Variants in TMEM132D observed in about 807,000 individuals in gnomAD.
TMEM132D encodes the protein transmembrane protein 132D.
Under a neutral mutation model 62.3 loss-of-function variants are expected in TMEM132D, and 21 were observed. That is an observed-to-expected ratio of 0.34 (90% CI 0.24 to 0.49). TMEM132D has a LOEUF of 0.49. Ranked by LOEUF, TMEM132D falls within the 20% of genes least tolerant of loss-of-function variation. The pLI is 0.99. For missense variants in TMEM132D, 1,346 were observed against 1,402.8 expected (o/e 0.96, Z 0.65); for synonymous variants, 621 against 575.6 (o/e 1.08, Z -1.13).
At chr12:129,159,664 G>C (rs11060164) in intron 5 of TMEM132D, among the ~76,000 whole-genome samples, 40,069 of 150,864 alleles carry the variant, frequency 0.27, 6,326 homozygotes, top group Non-Finnish European at 0.35. Flanking sequence ...GGGTGGCTAA[G>C]GCATGAGAAT....
intron 4 of TMEM132D, among the ~76,000 whole-genome samples, chr12:129,240,973 C>G (rs1879921266): frequency 6.6e-6 from 1 of 152,052 alleles, no homozygotes; most frequent in African/African-American, 2.4e-5. Context: ...CCTCTATATC[C>G]ATCACGTCCA....
chr12:129,342,554 C>A (rs1869530093), intron 3 of TMEM132D, among the ~76,000 whole-genome samples: 1 of 152,164 alleles, frequency 6.6e-6, no homozygotes, highest in South Asian at 2.1e-4. Context: ...GCAATGGCAA[C>A]AGAAGCCAAA....
intron 1 of TMEM132D, among the ~76,000 whole-genome samples, chr12:129,875,188 C>T (rs576876056): frequency 2.0e-5 from 3 of 152,340 alleles, no homozygotes; most frequent in African/African-American, 4.8e-5. Flanking sequence ...GCTGAAAGTG[C>T]GTGCTGGCTG....
intron 2 of TMEM132D, among the ~76,000 whole-genome samples, chr12:129,612,866 C>T (rs978061006): frequency 1.3e-5 from 2 of 152,124 alleles, no homozygotes; most frequent in African/African-American, 4.8e-5. Flanking sequence ...ACTCCGTCTC[C>T]AACAAACGGA....
chr12:129,600,500 T>A (rs1039485146), intron 2 of TMEM132D, among the ~76,000 whole-genome samples: 1 of 152,194 alleles, frequency 6.6e-6, no homozygotes, highest in Non-Finnish European at 1.5e-5. Flanking sequence ...GGTAAATCCT[T>A]TCCAAAAGGT....
At chr12:129,757,710 A>T (rs188763148) in intron 1 of TMEM132D, among the ~76,000 whole-genome samples, 13 of 152,170 alleles carry the variant, frequency 8.5e-5, no homozygotes, top group African/African-American at 2.9e-4. Context: ...CTTCCTTAAA[A>T]CTACTCGATA....
At chr12:129,626,641 G>A (rs1879224706) in intron 2 of TMEM132D, among the ~76,000 whole-genome samples, 1 of 152,086 alleles carries the variant, frequency 6.6e-6, no homozygotes, top group African/African-American at 2.4e-5. Context: ...ATTTTTAGTA[G>A]AGACGGGGTT....
intron 2 of TMEM132D, among the ~76,000 whole-genome samples, chr12:129,652,835 A>T (rs978952305): frequency 3.3e-5 from 5 of 151,916 alleles, no homozygotes; most frequent in African/African-American, 1.2e-4. Flanking sequence ...CATAAGCATC[A>T]CTCTTTGCCA....
At chr12:129,372,289 A>C (rs1311546479) in intron 3 of TMEM132D, among the ~76,000 whole-genome samples, 2 of 152,234 alleles carry the variant, frequency 1.3e-5, no homozygotes, top group Non-Finnish European at 2.9e-5. Flanking sequence ...AGGGGTCCCC[A>C]GTCTGTGCAC....
intron 1 of TMEM132D, among the ~76,000 whole-genome samples, chr12:129,781,813 G>C (rs1433697153): frequency 6.6e-6 from 1 of 152,110 alleles, no homozygotes; most frequent in Admixed American, 6.5e-5. Context: ...TCTTTAGCTG[G>C]GCATCCATGG....
chr12:129,877,011 G>C (rs1874434444), intron 1 of TMEM132D, among the ~76,000 whole-genome samples: 3 of 152,130 alleles, frequency 2.0e-5, no homozygotes, highest in African/African-American at 7.2e-5. Flanking sequence ...AATAGATGCA[G>C]AGCGTGGGAA....
chr12:129,082,056 GCAGA>G (rs1874471300), intron 6 of TMEM132D, 24 bp from the exon 7 acceptor site: 2 of 1,579,554 alleles, frequency 1.3e-6, no homozygotes, highest in African/African-American at 2.7e-5. Context: ...AGTGCAGTTT[GCAGA>G]CAGTTACTTG....
chr12:129,424,822 T>C (rs1872446167), intron 3 of TMEM132D, among the ~76,000 whole-genome samples: 1 of 152,066 alleles, frequency 6.6e-6, no homozygotes, highest in Non-Finnish European at 1.5e-5. Flanking sequence ...GAACATTATT[T>C]ACTTATTTAA....
intron 3 of TMEM132D, among the ~76,000 whole-genome samples, chr12:129,340,179 A>G (rs997123249): frequency 1.2e-4 from 19 of 152,118 alleles, no homozygotes; most frequent in African/African-American, 4.3e-4. Context: ...TGATTGTTCT[A>G]TACATTTAGA....
Position 129,184,617 on chromosome 12 carries a change from G to T in TMEM132D, c.1443+24903C>A, listed in dbSNP as rs138180636. 2.0e-5 allele frequency among the ~76,000 whole-genome samples: 3 copies of T among 152,218 alleles called. No homozygotes were observed. In the East Asian group the frequency reaches 5.8e-4, roughly 29 times the overall value. On this transcript the variant is annotated intron_variant, in intron 5 of 8. Coordinates refer to ENST00000422113, the MANE Select transcript of TMEM132D (RefSeq NM_133448.3). ...AGTCTCTCCGTGGCTATTACAACAC[G>T]AAGTTCACTGCACTTCAGGCACAAT...
At chr12:129,253,251 AG>A (rs1307014305) in intron 4 of TMEM132D, among the ~76,000 whole-genome samples, 1 of 150,816 alleles carries the variant, frequency 6.6e-6, no homozygotes. Flanking sequence ...AAAAAAAAAA[AG>A]ATTCTACATT....
At chr12:129,422,267 A>C (rs1424205576) in intron 3 of TMEM132D, among the ~76,000 whole-genome samples, 2 of 152,202 alleles carry the variant, frequency 1.3e-5, no homozygotes, top group African/African-American at 4.8e-5. Context: ...ACCATAAACA[A>C]AACAGAAAGA....
At chr12:129,416,453 C>T (rs1872122747) in intron 3 of TMEM132D, among the ~76,000 whole-genome samples, 1 of 152,170 alleles carries the variant, frequency 6.6e-6, no homozygotes, top group African/African-American at 2.4e-5. Context: ...AGTTTTTGGG[C>T]TGAAATGATG....
At chr12:129,448,043 T>A (rs1873159328) in intron 3 of TMEM132D, among the ~76,000 whole-genome samples, 1 of 152,190 alleles carries the variant, frequency 6.6e-6, no homozygotes, top group African/African-American at 2.4e-5. Flanking sequence ...GCTTCGTAGA[T>A]GCTCAGGAAG....
Sources: allele counts gnomAD v4.1 joint callset (sites outside exome capture counted in the v4.1 genomes callset), GRCh38; gene constraint gnomAD v4.1.1; transcripts MANE v1.5; gene names NCBI Gene and HGNC (gene_info 2026-07-23, HGNC 2026-07-21).